The following ALPP variants were observed in gnomAD, a reference collection of about 807,000 sequenced individuals.
ALPP encodes alkaline phosphatase, placental type.
In ALPP, 39 loss-of-function variants were observed where a neutral mutation model predicts 50.7. That is an observed-to-expected ratio of 0.77 (90% CI 0.60 to 1.00). The LOEUF (loss-of-function observed/expected upper bound fraction) is 1.00, where lower values mean the gene tolerates loss of function less well. Ranked by LOEUF, ALPP falls within the 50% of genes least tolerant of loss-of-function variation. ALPP has a pLI of 0.00. For missense variants in ALPP, 550 were observed against 746.8 expected (o/e 0.74, Z 3.07); for synonymous variants, 226 against 320.3 (o/e 0.71, Z 3.14).
Position 232,379,833 on chromosome 2 carries a change from C to T in ALPP, c.554C>T (p.Thr185Met), listed in dbSNP as rs755257870. The change falls in exon 5 of 11, where the codon ACG (threonine) becomes ATG (methionine). Residue 185 changes from threonine to methionine, a missense_variant. Thr to Met is a moderately conservative substitution (Grantham distance 81). Transcript: ENST00000392027. The stretch of plus-strand genomic sequence containing the variant: ...TCGCCAGCCGGCACCTACGCCCACA[C>T]GGTGAACCGCAACTGGTACTCGGAC... ...HASPAGTYAH[T>M]VNRNWYSDAD... 33 of 1,613,736 alleles carry T rather than the reference C, an allele frequency of 2.0e-5. No homozygotes were observed. In the East Asian group the frequency reaches 4.7e-4, roughly 23 times the overall value.
At position 232,381,630 on chromosome 2, in the gene ALPP, G is replaced by A; in HGVS notation, c.1443G>A (p.Ala481=). The change falls in exon 11 of 11, where the codon GCG becomes GCA. Residue 481 remains alanine, a synonymous_variant. Transcript: ENST00000392027. Reference sequence around the variant, plus strand: ...GCGTGCAGGAGCAGACCTTCATAGCGCACGTCATGGCCTTCGCCGCCTGCC... The same window carrying A: ...GCGTGCAGGAGCAGACCTTCATAGCACACGTCATGGCCTTCGCCGCCTGCC... ...VHGVQEQTFI[A]HVMAFAACLE... 2 of 1,612,216 alleles carry A rather than the reference G, an allele frequency of 1.2e-6. No homozygotes were observed. The highest frequency in any genetic ancestry group is 1.7e-6 in the Non-Finnish European group (2 of 1,179,502).
chr2:232,379,900 C>T lies in ALPP; in HGVS notation c.621C>T (p.Asp207=), dbSNP rs746375137. ...CCGCCCGCCAGGAGGGGTGCCAGGA[C>T]ATCGCTACGCAGCTCATCTCCAACA... ...PASARQEGCQ[D]IATQLISNMD... The change falls in exon 5 of 11, where the codon GAC becomes GAT. Residue 207 remains aspartate (D), a synonymous_variant. Coordinates refer to ENST00000392027, the MANE Select transcript of ALPP (RefSeq NM_001632.5). 6.2e-7 allele frequency: 1 copy of T among 1,612,418 alleles called. No individual in the cohort carries two copies. The highest frequency in any genetic ancestry group is 8.5e-7 in the Non-Finnish European group (1 of 1,179,410).
intron 10 of ALPP, 59 bp downstream of exon 10, chr2:232,381,426 C>T: frequency 2.5e-6 from 4 of 1,612,456 alleles, no homozygotes; most frequent in Middle Eastern, 1.7e-4. Flanking sequence ...GGGGGGCTGG[C>T]GGGAAGGGGT....
intron 10 of ALPP, 59 bp downstream of exon 10, chr2:232,381,426 C>A (rs1476704013): frequency 3.7e-6 from 6 of 1,612,458 alleles, no homozygotes; most frequent in Non-Finnish European, 4.2e-6. Flanking sequence ...GGGGGGCTGG[C>A]GGGAAGGGGT....
intron 5 of ALPP, 23 bp from the exon 6 acceptor site, chr2:232,380,163 C>T: frequency 6.2e-7 from 1 of 1,613,928 alleles, no homozygotes; most frequent in Non-Finnish European, 8.5e-7. Context: ...CCCAAATCCA[C>T]CTGCCCCATC....
intron 3 of ALPP, 48 bp from the exon 4 acceptor site, chr2:232,379,465 G>C: frequency 6.2e-7 from 1 of 1,610,326 alleles, no homozygotes; most frequent in South Asian, 1.1e-5. Context: ...CAGGGTCTGG[G>C]TCTCCGTGTC....
chr2:232,379,903 C>A lies in ALPP; in HGVS notation c.624C>A (p.Ile208=). ...CCCGCCAGGAGGGGTGCCAGGACAT[C>A]GCTACGCAGCTCATCTCCAACATGG... ...ASARQEGCQD[I]ATQLISNMDI... The change falls in exon 5 of 11, where the codon ATC becomes ATA. Residue 208 remains isoleucine, a synonymous_variant. Transcript: ENST00000392027. The A allele has an allele frequency of 6.2e-7, 1 of 1,612,236 alleles. No individual in the cohort carries two copies. The highest frequency in any genetic ancestry group is 1.3e-5 in the African/African-American group (1 of 75,028).
chr2:232,379,401 A>G, intron 3 of ALPP, 86 bp downstream of exon 3: 1 of 1,589,558 alleles, frequency 6.3e-7, no homozygotes, highest in Non-Finnish European at 8.6e-7. Context: ...GACCCTAAAC[A>G]GCTGGGGCTC....
rs541274460 is a variant in ALPP, at chr2:232,381,893, C to T, written c.*98C>T. On this transcript the variant is annotated 3_prime_UTR_variant, in exon 11 of 11. Coordinates refer to ENST00000392027, the MANE Select transcript of ALPP (RefSeq NM_001632.5). ...GGCCTCCAGCCCGAGTCGTCATCCC[C>T]GGAGTCCCTATACAGAGGTCCTGCC... 2.6e-5 allele frequency: 38 copies of T among 1,477,038 alleles called. No homozygotes were observed. The East Asian group carries it at 6.9e-4, about 27-fold the overall frequency. 91.5% of individuals were successfully genotyped at this position (1,477,038 alleles called of 1,614,324 possible). A position where few individuals can be genotyped will look rare whatever the true frequency, so the allele number is the denominator to read the frequency against.
intron 10 of ALPP, 65 bp downstream of exon 10, chr2:232,381,432 G>A (rs1476110650): frequency 7.4e-6 from 12 of 1,612,420 alleles, no homozygotes; most frequent in Non-Finnish European, 1.0e-5. Flanking sequence ...CTGGCGGGAA[G>A]GGGTCACCTC....
At chr2:232,379,989 GCACTAGCT>G (rs949634822) in intron 5 of ALPP, 53 bp downstream of exon 5, 1 of 1,572,820 alleles carries the variant, frequency 6.4e-7, no homozygotes, top group African/African-American at 1.3e-5. Context: ...CAGGGAGGGG[GCACTAGCT>G]CAGACCCAGG....
At chr2:232,379,442 A>G in intron 3 of ALPP, 71 bp from the exon 4 acceptor site, 9 of 1,600,254 alleles carry the variant, frequency 5.6e-6, no homozygotes, top group Non-Finnish European at 7.7e-6. Context: ...TTGGAATCCC[A>G]GAGGACAGAG....
chr2:232,379,244 C>T lies in ALPP; in HGVS notation c.238C>T (p.Gln80Ter), dbSNP rs1396980570. The T allele has an allele frequency of 1.9e-6, 3 of 1,613,996 alleles. No individual in the cohort carries two copies. The highest frequency in any genetic ancestry group is 1.3e-5 in the African/African-American group (1 of 74,960). The change falls in exon 3 of 11, where the codon CAG (glutamine) becomes TAG (stop). Residue 80 changes from glutamine (Q) to a stop codon, truncating the protein, a stop_gained. Transcript: ENST00000392027. LOFTEE classifies it high-confidence loss of function. ...GACAGCTGCCAGGATCCTAAAAGGG[C>T]AGAAGAAGGACAAACTGGGGCCTGA... is the stretch of plus-strand genomic sequence containing the variant. Reference protein sequence around the residue: ...TVTAARILKGQKKDKLGPEIP... With the variant: ...TVTAARILKG
rs532908416 is a variant in ALPP at position 232,378,897 on chromosome 2, C to G, written c.76+19C>G. 2.5e-6 allele frequency: 4 copies of G among 1,612,186 alleles called. No individual in the cohort carries two copies. The African/African-American group carries it at 5.4e-5, about 22-fold the overall frequency. On this transcript the variant is annotated intron_variant, in intron 1 of 10. Coordinates refer to ENST00000392027, the MANE Select transcript of ALPP (RefSeq NM_001632.5). Reference sequence around the variant, plus strand: ...ATCCCAGGTAATGAGGCTCCCCGAGCTGCCCCTACACAACACACACACAGG... The same window carrying G: ...ATCCCAGGTAATGAGGCTCCCCGAGGTGCCCCTACACAACACACACACAGG...
intron 3 of ALPP, 42 bp downstream of exon 3, chr2:232,379,357 G>A (rs779294981): frequency 1.9e-6 from 3 of 1,609,150 alleles, no homozygotes; most frequent in Admixed American, 1.7e-5. Context: ...GCACAGAAGG[G>A]GAATCCTGGC....
At position 232,378,793 on chromosome 2, in the gene ALPP, C is replaced by T. The variant is rs1462505692; in HGVS notation, c.-10C>T. 1.2e-6 allele frequency: 2 copies of T among 1,613,412 alleles called. No individual in the cohort carries two copies. The highest frequency in any genetic ancestry group is 1.3e-5 in the African/African-American group (1 of 75,054). ...TTCCTGCCTCGCCACTGTCCTGCTG[C>T]CCTCCAGACATGCTGGGGCCCTGCA... On this transcript the variant is annotated 5_prime_UTR_variant, in exon 1 of 11. Coordinates refer to ENST00000392027, the MANE Select transcript of ALPP (RefSeq NM_001632.5).
Position 232,380,532 on chromosome 2 carries a change from C to A in ALPP, c.865+40C>A, listed in dbSNP as rs369038414. 3.1e-6 allele frequency: 5 copies of A among 1,613,666 alleles called. No individual in the cohort carries two copies. In the African/African-American group the frequency reaches 6.7e-5, roughly 22 times the overall value. ...CCTGCCCTGGCATCCCTCAGATGGC[C>A]TCAGATGGCACCTTCTGAGCCTGTG... On this transcript the variant is annotated intron_variant, in intron 7 of 10. Coordinates refer to ENST00000392027, the MANE Select transcript of ALPP (RefSeq NM_001632.5).
rs756085949 is a variant in ALPP at position 232,381,367 on chromosome 2, G to A, written c.1309G>A (p.Gly437Arg). The A allele has an allele frequency of 2.5e-5, 40 of 1,614,048 alleles. No homozygotes were observed. The Admixed American group carries it at 5.2e-4, about 21-fold the overall frequency. ...GCCGGATGTTACCGAGAGCGAGAGC[G>A]GTGAGTGCCGCGGGGTGGCCCCCTG... ...ARPDVTESES[G>R]SPEYRQQSAV... The change falls in exon 10 of 11, where the codon GGG becomes AGG. Residue 437 changes from glycine to arginine, a missense_variant and splice_region_variant. Gly to Arg is a moderately radical substitution (Grantham distance 125, BLOSUM62 -2). This residue lies in a region of ALPP where 155 missense variants were observed against 167.6 expected (regional missense o/e 0.92). Transcript: ENST00000392027.
chr2:232,381,609 G>T lies in ALPP; in HGVS notation c.1422G>T (p.Val474=), dbSNP rs756405636. The T allele has an allele frequency of 4.7e-5, 76 of 1,612,548 alleles. No homozygotes were observed. Among genetic ancestry groups the T allele is most frequent in the Non-Finnish European group, 6.3e-5 (74 of 1,179,682 alleles). Residue 474 remains valine, a synonymous_variant, in exon 11 of 11, where the codon GTG becomes GTT. Coordinates refer to ENST00000392027, the MANE Select transcript of ALPP (RefSeq NM_001632.5). ...CGCAGGCGCACCTGGTTCACGGCGT[G>T]CAGGAGCAGACCTTCATAGCGCACG... ...RGPQAHLVHG[V]QEQTFIAHVM...
Sources: allele counts gnomAD v4.1 joint callset, GRCh38; gene constraint gnomAD v4.1.1; regional missense constraint gnomAD v4.1.1; transcripts MANE v1.5; gene names NCBI Gene and HGNC (gene_info 2026-07-23, HGNC 2026-07-21).